MIER2: variants seen among roughly 807,000 people sequenced by gnomAD.
The protein encoded by MIER2 is MIER family member 2, also known as mesoderm induction early response protein 2.
In MIER2, 30 loss-of-function variants were observed where a neutral mutation model predicts 67.6. That is an observed-to-expected ratio of 0.44 (90% CI 0.33 to 0.60). The LOEUF (loss-of-function observed/expected upper bound fraction) is 0.60, where lower values mean the gene tolerates loss of function less well. Among genes scored for constraint, MIER2 ranks in the 20% least tolerant of loss-of-function variants. The pLI is 0.02. For missense variants in MIER2, 702 were observed against 745.1 expected, an observed-to-expected ratio of 0.94 and a Z score of 0.67; for synonymous variants, 372 against 312.6, an observed-to-expected ratio of 1.19 and a Z score of -2.00.
intron 1 of MIER2, among the ~76,000 whole-genome samples, chr19:341,519 C>G (rs1972500766): frequency 6.6e-6 from 1 of 152,168 alleles, no homozygotes; most frequent in Non-Finnish European, 1.5e-5. Flanking sequence ...CCAGGCGACT[C>G]TGAGTTCCTG....
rs1002948598 is a variant in MIER2 at position 306,696 on chromosome 19, G to A, written c.1632C>T (p.Thr544=). 1.3e-6 allele frequency: 2 copies of A among 1,560,674 alleles called. No individual in the cohort carries two copies. Among genetic ancestry groups the A allele is most frequent in the Non-Finnish European group, 1.7e-6 (2 of 1,152,396 alleles). Residue 544 remains threonine, a synonymous_variant, in exon 14 of 14, where the codon ACC becomes ACT. Coordinates refer to ENST00000264819, the MANE Select transcript of MIER2 (RefSeq NM_017550.3). Reference sequence around the variant, plus strand: ...CGCCGCCCGCGGCCAGGAGTCAGCAGGTCATCACGTTACAGCTGCAGGGGA... The same window carrying A: ...CGCCGCCCGCGGCCAGGAGTCAGCAAGTCATCACGTTACAGCTGCAGGGGA... ...SEPLSHCNVM[T]C is the part of the protein sequence containing the mutation.
Position 334,581 on chromosome 19 carries a change from C to T in MIER2, c.101-39G>A, listed in dbSNP as rs769381071. 13 of 1,601,940 alleles carry T rather than the reference C, an allele frequency of 8.1e-6. No individual in the cohort carries two copies. In the African/African-American group the frequency reaches 9.4e-5, roughly 12 times the overall value. ...AGCAGCCCAGGTGAGCACCGTGCCT[C>T]GCCTGTCCCAACCATCCTGCCGAGA... On this transcript the variant is annotated intron_variant, in intron 2 of 13. Transcript: ENST00000264819.
intron 7 of MIER2, among the ~76,000 whole-genome samples, chr19:315,094 G>A (rs1971179489): frequency 6.6e-6 from 1 of 151,406 alleles, no homozygotes; most frequent in Admixed American, 6.6e-5. Flanking sequence ...GCCAGGCGTG[G>A]TGGCTCACGC....
intron 3 of MIER2, among the ~76,000 whole-genome samples, chr19:332,824 A>AT (rs1356515713): frequency 9.6e-4 from 24 of 25,052 alleles, no homozygotes; most frequent in Middle Eastern, 7.1e-3. Flanking sequence ...ATTTTTTTTA[A>AT]TTTTTTTTTT....
At chr19:344,390 C>G in intron 1 of MIER2, 1 of 984,560 alleles carries the variant, frequency 1.0e-6, no homozygotes, top group Non-Finnish European at 1.2e-6. Flanking sequence ...GGGAGGCCTG[C>G]GCGCCGCGGG....
chr19:315,853 C>T (rs1971214685), intron 7 of MIER2, among the ~76,000 whole-genome samples: 1 of 152,066 alleles, frequency 6.6e-6, no homozygotes, highest in African/African-American at 2.4e-5. Context: ...AAACTCAGGA[C>T]GAATACAAGG....
Position 324,380 on chromosome 19 carries a change from G to T in MIER2, c.655+1255C>A, listed in dbSNP as rs570119752. On this transcript the variant is annotated intron_variant, in intron 7 of 13. Transcript: ENST00000264819. Reference sequence around the variant, plus strand: ...TACACAGGACACACACAACCACACAGACGACTCGAATGACACAGGCGTCAT... The same window carrying T: ...TACACAGGACACACACAACCACACATACGACTCGAATGACACAGGCGTCAT... 5.5e-4 allele frequency among the ~76,000 whole-genome samples: 77 copies of T among 140,830 alleles called. 4 individuals are homozygous for T. In the South Asian group the frequency reaches 8.7e-3, roughly 16 times the overall value. 92.4% of individuals were successfully genotyped at this position (140,830 alleles called of 152,430 possible).
In MIER2 at chr19:307,491, C is replaced by A. The variant is rs1190022297; in HGVS notation, c.1244G>T (p.Gly415Val). The A allele has an allele frequency of 1.3e-6, 2 of 1,527,562 alleles. No individual in the cohort carries two copies. Among genetic ancestry groups the A allele is most frequent in the African/African-American group, 1.4e-5 (1 of 72,712 alleles). 94.6% of individuals were successfully genotyped at this position (1,527,562 alleles called of 1,614,324 possible). The change falls in exon 13 of 14, where the codon GGA (glycine) becomes GTA (valine). Residue 415 changes from glycine (G) to valine (V), a missense_variant. By Grantham distance (109) the Gly-to-Val change is moderately radical. This residue lies in a region of MIER2 where 254 missense variants were observed against 262.8 expected (regional missense o/e 0.97). Coordinates refer to ENST00000264819, the MANE Select transcript of MIER2 (RefSeq NM_017550.3). ...GGACGGGAGTCCATCAGAGGCCACT[C>A]CGGGCTCATCGAGACCACCGGCCGT... ...DGTAGGLDEPGVASDGLPSSE... is the reference protein window; with the variant it reads ...DGTAGGLDEPVVASDGLPSSE...
At chr19:332,593 C>A (rs1000194970) in intron 3 of MIER2, among the ~76,000 whole-genome samples, 2 of 141,872 alleles carry the variant, frequency 1.4e-5, no homozygotes, top group Admixed American at 7.3e-5. Flanking sequence ...TGAGCCACCG[C>A]GCCCAACAAT....
chr19:319,720 G>C (rs72984461), intron 7 of MIER2, among the ~76,000 whole-genome samples: 22,540 of 152,092 alleles, frequency 0.15, 2,168 homozygotes, highest in African/African-American at 0.26. Context: ...GCCTCCCAAA[G>C]TGCTGGGATT....
chr19:343,901 A>C, intron 1 of MIER2: 1 of 985,340 alleles, frequency 1.0e-6, no homozygotes, highest in South Asian at 4.7e-5. Flanking sequence ...AAAGCTTCAA[A>C]AGCGAAAGTT....
chr19:309,065 C>T (rs1215525270), intron 10 of MIER2, 140 bp from the exon 11 acceptor site: 4 of 1,250,994 alleles, frequency 3.2e-6, no homozygotes, highest in Non-Finnish European at 4.4e-6. Context: ...CGCAAGACCC[C>T]CCGACCCATG....
chr19:320,794 G>A (rs72984468), intron 7 of MIER2, among the ~76,000 whole-genome samples: 22,762 of 152,186 alleles, frequency 0.15, 2,194 homozygotes, highest in African/African-American at 0.26. Flanking sequence ...TGCCAAAAAA[G>A]GTTGGGAGCC....
chr19:340,972 T>C (rs1972475329), intron 1 of MIER2, among the ~76,000 whole-genome samples: 2 of 152,326 alleles, frequency 1.3e-5, no homozygotes, highest in Non-Finnish European at 2.9e-5. Flanking sequence ...TCACGCCTCC[T>C]GCCCTGGGGT....
At position 327,816 on chromosome 19, in the gene MIER2, C is replaced by A. The variant is rs201310217; in HGVS notation, c.369+48G>T. ...CCTCTGCAGAGAGGCAGCGCCAGGC[C>A]CCCCCACCTTCAGCTGTGAGCCAGT... On this transcript the variant is annotated intron_variant, in intron 4 of 13. Coordinates refer to ENST00000264819, the MANE Select transcript of MIER2 (RefSeq NM_017550.3). 867 of 1,604,978 alleles carry A rather than the reference C, an allele frequency of 5.4e-4. 1 individual carries two copies. Among genetic ancestry groups the A allele is most frequent in the South Asian group, 1.9e-3 (168 of 89,840 alleles).
At chr19:329,353 G>A (rs1421784531) in intron 3 of MIER2, among the ~76,000 whole-genome samples, 1 of 152,188 alleles carries the variant, frequency 6.6e-6, no homozygotes, top group African/African-American at 2.4e-5. Flanking sequence ...TTGACACAGT[G>A]GTCCAGAGGC....
intron 7 of MIER2, among the ~76,000 whole-genome samples, chr19:318,107 G>C (rs1971338538): frequency 6.6e-6 from 1 of 152,112 alleles, no homozygotes. Flanking sequence ...GGGAGGCAGA[G>C]GGGGAAGAAT....
intron 5 of MIER2, 177 bp downstream of exon 5, chr19:326,956 C>T (rs933602167): frequency 2.0e-5 from 17 of 835,162 alleles, no homozygotes; most frequent in Middle Eastern, 3.6e-4. Flanking sequence ...TCCAGGCTCA[C>T]TGGCCAGCGT....
chr19:327,290 T>TA (rs1359202942), intron 4 of MIER2, 34 bp from the exon 5 acceptor site: 1 of 1,566,998 alleles, frequency 6.4e-7, no homozygotes, highest in East Asian at 2.3e-5. Context: ...AAGAACATTT[T>TA]ACAGTTTAAC....
Sources: gnomAD v4.1 joint callset for allele counts (sites outside exome capture counted in the v4.1 genomes callset) on GRCh38, gnomAD v4.1.1 for gene constraint, gnomAD v4.1.1 regional missense constraint, MANE v1.5 for transcripts, NCBI Gene and HGNC (gene_info 2026-07-23, HGNC 2026-07-21) for gene names.